Variants in GRM1 observed in about 807,000 individuals in gnomAD.
GRM1 encodes metabotropic glutamate receptor 1.
In GRM1, 33 loss-of-function variants were observed where a neutral mutation model predicts 90.9. That is an observed-to-expected ratio of 0.36 (90% CI 0.28 to 0.49). The LOEUF (loss-of-function observed/expected upper bound fraction) is 0.49, where lower values mean the gene tolerates loss of function less well. GRM1 is among the 20% of genes least tolerant of loss of function. GRM1 has a pLI of 0.99. For synonymous variants in GRM1, 700 were observed against 613.2 expected (o/e 1.14, Z -2.09); for missense variants, 1,190 against 1,534.3 (o/e 0.78, Z 3.75).
chr6:146,223,045 G>A (rs1265750175), intron 2 of GRM1, among the ~76,000 whole-genome samples: 1 of 151,852 alleles, frequency 6.6e-6, no homozygotes. Flanking sequence ...GGAACTCTTG[G>A]TGTCTCTCTA....
chr6:146,334,451 T>G (rs1431011515), intron 3 of GRM1, among the ~76,000 whole-genome samples: 1 of 152,228 alleles, frequency 6.6e-6, no homozygotes, highest in Non-Finnish European at 1.5e-5. Flanking sequence ...CATCAAATGC[T>G]TCTACACATT....
At chr6:146,194,614 C>T (rs1779053862) in intron 2 of GRM1, among the ~76,000 whole-genome samples, 1 of 152,218 alleles carries the variant, frequency 6.6e-6, no homozygotes, top group South Asian at 2.1e-4. Flanking sequence ...CATGCACTAA[C>T]ATTCCTTAAT....
intron 1 of GRM1, among the ~76,000 whole-genome samples, chr6:146,054,859 T>C (rs1775423739): frequency 6.6e-6 from 1 of 152,050 alleles, no homozygotes; most frequent in Non-Finnish European, 1.5e-5. Flanking sequence ...GAGGGAAGTC[T>C]GTGTCATTGT....
intron 2 of GRM1, among the ~76,000 whole-genome samples, chr6:146,208,728 C>T (rs1779577844): frequency 6.6e-6 from 1 of 151,992 alleles, no homozygotes; most frequent in African/African-American, 2.4e-5. Flanking sequence ...AAATAGTTCT[C>T]CCTAGAAGAA....
intron 1 of GRM1, among the ~76,000 whole-genome samples, chr6:146,079,392 T>A (rs1309208190): frequency 6.6e-6 from 1 of 151,970 alleles, no homozygotes; most frequent in Non-Finnish European, 1.5e-5. Context: ...GAGGAAAGGG[T>A]TAAAGTAAAA....
At chr6:146,054,824 A>G (rs573187313) in intron 1 of GRM1, among the ~76,000 whole-genome samples, 1 of 152,232 alleles carries the variant, frequency 6.6e-6, no homozygotes, top group South Asian at 2.1e-4. Flanking sequence ...TTTTCCCCAG[A>G]GGAAAAAACT....
At chr6:146,353,735 T>G (rs900999410) in intron 4 of GRM1, among the ~76,000 whole-genome samples, 3 of 152,200 alleles carry the variant, frequency 2.0e-5, no homozygotes, top group Non-Finnish European at 4.4e-5. Context: ...ATTCAAGTGA[T>G]TCCCCTGTCT....
chr6:146,367,217 T>C (rs1415082598), intron 5 of GRM1, among the ~76,000 whole-genome samples: 2 of 152,164 alleles, frequency 1.3e-5, no homozygotes, highest in Non-Finnish European at 2.9e-5. Flanking sequence ...GTTGTAAATA[T>C]GTGAACTCAT....
At chr6:146,093,638 C>T (rs572590067) in intron 1 of GRM1, among the ~76,000 whole-genome samples, 3 of 152,146 alleles carry the variant, frequency 2.0e-5, no homozygotes. Context: ...CACATACCCT[C>T]TTTTCATTTT....
intron 1 of GRM1, among the ~76,000 whole-genome samples, chr6:146,078,671 G>A (rs1776267188): frequency 6.6e-6 from 1 of 152,156 alleles, no homozygotes; most frequent in South Asian, 2.1e-4. Flanking sequence ...TTTATAGAAT[G>A]TTATACAGTA....
intron 1 of GRM1, among the ~76,000 whole-genome samples, chr6:146,063,611 T>G (rs1183813961): frequency 6.6e-6 from 1 of 152,180 alleles, no homozygotes; most frequent in Non-Finnish European, 1.5e-5. Context: ...TGCTTTTCTA[T>G]GTCACATTGT....
chr6:146,373,837 A>G (rs1775993665), intron 5 of GRM1, among the ~76,000 whole-genome samples: 1 of 152,082 alleles, frequency 6.6e-6, no homozygotes, highest in Admixed American at 6.6e-5. Context: ...TCCCTTTCCA[A>G]TTTGGATGCC....
At chr6:146,278,932 C>G (rs1782470255) in intron 2 of GRM1, among the ~76,000 whole-genome samples, 1 of 152,156 alleles carries the variant, frequency 6.6e-6, no homozygotes, top group African/African-American at 2.4e-5. Context: ...GTCTCAATCT[C>G]TTGACCTCCT....
At chr6:146,084,191 T>G (rs1054795985) in intron 1 of GRM1, among the ~76,000 whole-genome samples, 9 of 152,152 alleles carry the variant, frequency 5.9e-5, no homozygotes, top group Non-Finnish European at 1.3e-4. Context: ...AACCAGCTCC[T>G]GGATTCATTG....
At chr6:146,376,842 T>C (rs1356302006) in intron 5 of GRM1, among the ~76,000 whole-genome samples, 1 of 152,116 alleles carries the variant, frequency 6.6e-6, no homozygotes, top group Admixed American at 6.6e-5. Context: ...CTCTCATAAT[T>C]CCCACATGTC....
chr6:146,327,575 A>G (rs756239503), intron 3 of GRM1, among the ~76,000 whole-genome samples: 20 of 152,194 alleles, frequency 1.3e-4, no homozygotes, highest in Non-Finnish European at 2.5e-4. Context: ...GCTATTTTCT[A>G]TAGCATCTTT....
intron 3 of GRM1, among the ~76,000 whole-genome samples, chr6:146,318,699 AATGG>A (rs1002944667): frequency 6.6e-6 from 1 of 152,128 alleles, no homozygotes; most frequent in Non-Finnish European, 1.5e-5. Context: ...CACCATTCTA[AATGG>A]CAAGAGATGG....
intron 2 of GRM1, among the ~76,000 whole-genome samples, chr6:146,256,578 A>T (rs1781488552): frequency 6.6e-6 from 1 of 152,062 alleles, no homozygotes; most frequent in African/African-American, 2.4e-5. Flanking sequence ...TAGGAAGTTG[A>T]TTGTGTTGCA....
Position 146,435,234 on chromosome 6 carries a change from G to A in GRM1, c.*438G>A, listed in dbSNP as rs1026951331. 9 of 320,808 alleles carry A rather than the reference G, an allele frequency of 2.8e-5. No homozygotes were observed. The highest frequency in any genetic ancestry group is 4.8e-5 in the Non-Finnish European group (8 of 167,016). 19.9% of individuals were successfully genotyped at this position (320,808 alleles called of 1,614,324 possible). ...AGTCGGATCATGAGTTCACCTGATG[G>A]CATTCGGAGTGAGCTGGTGGAGCCA... On this transcript the variant is annotated 3_prime_UTR_variant, in exon 8 of 8. Coordinates refer to ENST00000282753, the MANE Select transcript of GRM1 (RefSeq NM_001278064.2).
Sources: allele counts gnomAD v4.1 joint callset (sites outside exome capture counted in the v4.1 genomes callset), GRCh38; gene constraint gnomAD v4.1.1; transcripts MANE v1.5; gene names NCBI Gene and HGNC (gene_info 2026-07-23, HGNC 2026-07-21).